KDM4C: variants seen among roughly 807,000 people sequenced by gnomAD.
KDM4C encodes the protein lysine-specific demethylase 4C.
A neutral mutation model predicts 129.3 loss-of-function variants in KDM4C; 81 were observed. The observed-to-expected ratio is 0.63, with a 90% CI of 0.52 to 0.75. The LOEUF is 0.75. Among genes scored for constraint, KDM4C ranks in the 30% least tolerant of loss-of-function variants. The pLI is 0.00. For synonymous variants in KDM4C, 573 were observed against 456.1 expected, an observed-to-expected ratio of 1.26 and a Z score of -3.26; for missense variants, 1,457 against 1,304.0, an observed-to-expected ratio of 1.12 and a Z score of -1.81.
At chr9:6,962,171 G>A (rs1440440159) in intron 8 of KDM4C, among the ~76,000 whole-genome samples, 1 of 152,142 alleles carries the variant, frequency 6.6e-6, no homozygotes, top group African/African-American at 2.4e-5. Context: ...GATTAGGCAT[G>A]TATGTACACA....
intron 2 of KDM4C, among the ~76,000 whole-genome samples, chr9:6,800,524 G>A (rs1183577656): frequency 6.6e-6 from 1 of 152,044 alleles, no homozygotes; most frequent in Middle Eastern, 3.2e-3. Context: ...GGGCAACAGA[G>A]TCCCTGTCTC....
intron 5 of KDM4C, among the ~76,000 whole-genome samples, chr9:6,876,667 A>G (rs534088581): frequency 7.2e-5 from 11 of 152,232 alleles, no homozygotes; most frequent in African/African-American, 2.6e-4. Context: ...GCCGTGGTGT[A>G]GGGTTAGCAG....
At chr9:6,763,504 C>T (rs1250915158) in intron 1 of KDM4C, among the ~76,000 whole-genome samples, 1 of 152,188 alleles carries the variant, frequency 6.6e-6, no homozygotes, top group African/African-American at 2.4e-5. Context: ...TCCCTACCCT[C>T]ATGCAAGCCC....
At chr9:6,767,443 C>CTT (rs569257093) in intron 1 of KDM4C, among the ~76,000 whole-genome samples, 1 of 150,036 alleles carries the variant, frequency 6.7e-6, no homozygotes, top group Non-Finnish European at 1.5e-5. Context: ...GCACGGCCCC[C>CTT]TTTTTTTTTG....
intron 8 of KDM4C, among the ~76,000 whole-genome samples, chr9:6,901,937 C>G (rs1032823661): frequency 4.6e-5 from 7 of 152,200 alleles, no homozygotes; most frequent in African/African-American, 1.4e-4. Flanking sequence ...GACCCCTGGC[C>G]CCACCAAAAT....
chr9:6,787,440 C>T (rs1375647120), intron 1 of KDM4C, among the ~76,000 whole-genome samples: 2 of 152,362 alleles, frequency 1.3e-5, no homozygotes, highest in South Asian at 2.1e-4. Flanking sequence ...GCCATGTTGG[C>T]CAGGCTGGTC....
At chr9:7,045,543 C>T (rs1045787382) in intron 15 of KDM4C, among the ~76,000 whole-genome samples, 1 of 151,950 alleles carries the variant, frequency 6.6e-6, no homozygotes, top group Non-Finnish European at 1.5e-5. Flanking sequence ...TGAAATTTTG[C>T]TTGTTGTGAT....
intron 1 of KDM4C, among the ~76,000 whole-genome samples, chr9:6,742,849 G>C (rs543207658): frequency 6.6e-6 from 1 of 151,966 alleles, no homozygotes; most frequent in South Asian, 2.1e-4. Context: ...AACTGCTGCC[G>C]CAAACATCTT....
intron 1 of KDM4C, among the ~76,000 whole-genome samples, chr9:6,769,162 G>A (rs1383056845): frequency 1.3e-5 from 2 of 151,052 alleles, no homozygotes; most frequent in Non-Finnish European, 2.9e-5. Flanking sequence ...TTTAAGTTTT[G>A]TTACTCATTT....
Position 6,981,087 on chromosome 9 carries a change from A to G in KDM4C, c.1084A>G (p.Arg362Gly), listed in dbSNP as rs1265866240. ...CCCTGAAGTAAAAGCATGGCTGCAG[A>G]GGAGGAGGAAAGTAAGAAAAGCATC... ...STPEVKAWLQ[R>G]RRKVRKASRS... Residue 362 changes from arginine (R) to glycine (G), a missense_variant, in exon 9 of 22, where the codon AGG becomes GGG. Physicochemically the swap from Arg to Gly is moderately radical, Grantham distance 125 (BLOSUM62 -2). Transcript: ENST00000381309. The G allele has an allele frequency of 5.0e-6, 8 of 1,612,672 alleles. No homozygotes were observed. In the African/African-American group the frequency reaches 9.4e-5, roughly 19 times the overall value.
chr9:6,731,708 AATTTTGT>A (rs1247116203), intron 1 of KDM4C, among the ~76,000 whole-genome samples: 1 of 152,114 alleles, frequency 6.6e-6, no homozygotes, highest in African/African-American at 2.4e-5. Context: ...GGCCTTCCAT[AATTTTGT>A]TTAAAAAAAT....
At chr9:7,085,632 C>G (rs1835024040) in intron 17 of KDM4C, among the ~76,000 whole-genome samples, 3 of 152,166 alleles carry the variant, frequency 2.0e-5, no homozygotes, top group Admixed American at 6.5e-5. Context: ...GTTCCTGCCA[C>G]TCCTTCCCTG....
intron 8 of KDM4C, among the ~76,000 whole-genome samples, chr9:6,949,388 C>T (rs560288833): frequency 2.0e-5 from 3 of 151,980 alleles, no homozygotes; most frequent in Non-Finnish European, 4.4e-5. Flanking sequence ...CTCCTCACAT[C>T]CCAGACGATG....
intron 17 of KDM4C, among the ~76,000 whole-genome samples, chr9:7,055,685 C>G (rs1357206450): frequency 6.6e-6 from 1 of 152,176 alleles, no homozygotes; most frequent in Non-Finnish European, 1.5e-5. Flanking sequence ...AAAATACAAT[C>G]ACACTTCCTA....
intron 1 of KDM4C, among the ~76,000 whole-genome samples, chr9:6,771,077 A>T (rs1463628222): frequency 1.8e-5 from 2 of 108,904 alleles, no homozygotes; most frequent in East Asian, 5.1e-4. Flanking sequence ...CCCGACTGTG[A>T]ATCTTTTTTT....
intron 19 of KDM4C, among the ~76,000 whole-genome samples, chr9:7,164,872 A>G (rs1844210851): frequency 6.6e-6 from 1 of 152,198 alleles, no homozygotes; most frequent in Admixed American, 6.5e-5. Context: ...GCATTTTGTT[A>G]ACTGCAAAAT....
At chr9:6,883,551 G>A (rs1376902125) in intron 6 of KDM4C, among the ~76,000 whole-genome samples, 1 of 152,184 alleles carries the variant, frequency 6.6e-6, no homozygotes, top group Non-Finnish European at 1.5e-5. Context: ...TTTATATCCA[G>A]CCATGTTCCT....
intron 5 of KDM4C, among the ~76,000 whole-genome samples, chr9:6,865,602 T>C (rs1841803002): frequency 6.6e-6 from 1 of 152,112 alleles, no homozygotes. Flanking sequence ...AGTCTTGGTC[T>C]ATCACCTGGG....
chr9:6,939,354 G>A (rs1179247336), intron 8 of KDM4C, among the ~76,000 whole-genome samples: 1 of 152,044 alleles, frequency 6.6e-6, no homozygotes, highest in Non-Finnish European at 1.5e-5. Context: ...CCCCGTGAGG[G>A]CATGGCCTAG....
Sources: gnomAD v4.1 joint callset for allele counts (sites outside exome capture counted in the v4.1 genomes callset) on GRCh38, gnomAD v4.1.1 for gene constraint, MANE v1.5 for transcripts, NCBI Gene and HGNC (gene_info 2026-07-23, HGNC 2026-07-21) for gene names.